LGI2: variants seen among roughly 807,000 people sequenced by gnomAD.
The protein encoded by LGI2 is leucine-rich repeat LGI family member 2.
Under a neutral mutation model 52.0 loss-of-function variants are expected in LGI2, and 30 were observed. The ratio of observed to expected loss-of-function variants is 0.58; its 90% confidence interval spans 0.43 to 0.78. LGI2 has a LOEUF of 0.78. LGI2 is among the 30% of genes least tolerant of loss of function. LGI2 has a pLI of 0.00. For missense variants in LGI2, 573 were observed against 692.5 expected (o/e 0.83, Z 1.94); for synonymous variants, 270 against 271.8 (o/e 0.99, Z 0.06).
intron 2 of LGI2, among the ~76,000 whole-genome samples, chr4:25,027,913 G>A (rs1164307613): frequency 6.6e-6 from 1 of 152,248 alleles, no homozygotes; most frequent in Non-Finnish European, 1.5e-5. Flanking sequence ...GAGATGGGAT[G>A]AGGAATAGTT....
At chr4:25,005,957 T>C (rs772512409) in intron 7 of LGI2, among the ~76,000 whole-genome samples, 1 of 152,214 alleles carries the variant, frequency 6.6e-6, no homozygotes, top group Non-Finnish European at 1.5e-5. Flanking sequence ...CAAGTGACTA[T>C]AAGGATGAAA....
chr4:25,030,399 G>C, intron 1 of LGI2, 98 bp downstream of exon 1: 1 of 1,332,214 alleles, frequency 7.5e-7, no homozygotes, highest in Non-Finnish European at 1.0e-6. Flanking sequence ...TGGGGAGTGG[G>C]TCAGGGTCGC....
Position 25,030,508 on chromosome 4 carries a change from G to A in LGI2, c.186C>T (p.Asp62=), listed in dbSNP as rs1330178880. 6.3e-7 allele frequency: 1 copy of A among 1,590,368 alleles called. No homozygotes were observed. The highest frequency in any genetic ancestry group is 8.5e-7 in the Non-Finnish European group (1 of 1,170,268). ...SSWVPRIVPG[D]ISSLSLVNGT... ...GGGGTCCCACTCACAGGGAGCTGATGTCGCCCGGCACGATCCTGGGCACCC... is the reference window on the plus strand; with the variant it reads ...GGGGTCCCACTCACAGGGAGCTGATATCGCCCGGCACGATCCTGGGCACCC... The change falls in exon 1 of 8, where the codon GAC becomes GAT. Residue 62 remains aspartate (D), a synonymous_variant. Transcript: ENST00000382114.
chr4:25,003,558 G>A lies in LGI2; in HGVS notation c.1531C>T (p.Arg511Cys), dbSNP rs758246901. The change falls in exon 8 of 8, where the codon CGT becomes TGT. Residue 511 changes from arginine to cysteine, a missense_variant. Arg to Cys is a radical substitution (Grantham distance 180, BLOSUM62 -3). Coordinates refer to ENST00000382114, the MANE Select transcript of LGI2 (RefSeq NM_018176.4). ...TCGGTGGAGACAGCTGTGAATGAAC[G>A]AGGCGCCTGCACGTAAATCTCCTTA... ...KFKEIYVQAPRSFTAVSTDRR... is the reference protein window; with the variant it reads ...KFKEIYVQAPCSFTAVSTDRR... The A allele has an allele frequency of 2.4e-5, 38 of 1,613,882 alleles. No homozygotes were observed. The highest frequency in any genetic ancestry group is 3.1e-5 in the Non-Finnish European group (36 of 1,179,942).
At chr4:25,009,943 T>C (rs750492325) in intron 7 of LGI2, among the ~76,000 whole-genome samples, 10 of 152,174 alleles carry the variant, frequency 6.6e-5, no homozygotes, top group Non-Finnish European at 1.3e-4. Flanking sequence ...CAGAGTTTTA[T>C]CTAGTTTATT....
At chr4:25,018,382 A>C (rs932420484) in intron 5 of LGI2, among the ~76,000 whole-genome samples, 6 of 152,244 alleles carry the variant, frequency 3.9e-5, no homozygotes, top group African/African-American at 1.4e-4. Context: ...GAATAACTGT[A>C]TAATGTCCAG....
intron 4 of LGI2, among the ~76,000 whole-genome samples, chr4:25,023,179 C>T (rs182103326): frequency 6.6e-6 from 1 of 152,212 alleles, no homozygotes; most frequent in East Asian, 1.9e-4. Flanking sequence ...TACAGCAATC[C>T]TATGAAATCA....
intron 7 of LGI2, among the ~76,000 whole-genome samples, chr4:25,008,713 A>T (rs10029741): frequency 8.5e-5 from 13 of 152,342 alleles, no homozygotes; most frequent in African/African-American, 3.1e-4. Flanking sequence ...CCAGCTAGTA[A>T]GGGCTGGAGC....
intron 7 of LGI2, among the ~76,000 whole-genome samples, chr4:25,007,578 AGTGT>A (rs3066687): frequency 0.11 from 15,687 of 142,044 alleles, 960 homozygotes; most frequent in South Asian, 0.16. Flanking sequence ...CAGACAGATC[AGTGT>A]GTGTGTGTGT....
At chr4:25,028,900 T>C (rs1197609404) in intron 1 of LGI2, among the ~76,000 whole-genome samples, 8 of 152,230 alleles carry the variant, frequency 5.3e-5, no homozygotes, top group Non-Finnish European at 1.2e-4. Flanking sequence ...TGAAAATGGA[T>C]AATCGCTTCA....
In LGI2 at chr4:25,003,924, G is replaced by A. The variant is rs1232492050; in HGVS notation, c.1165C>T (p.Leu389=). Residue 389 remains leucine (L), a synonymous_variant, in exon 8 of 8, where the codon CTG becomes TTG. Coordinates refer to ENST00000382114, the MANE Select transcript of LGI2 (RefSeq NM_018176.4). ...ATGGGGACCTGGGAGCGGCTGGACA[G>A]GATGAGATGCGATTTTCCATCGATA... is the stretch of plus-strand genomic sequence containing the variant. The part of the protein sequence containing the change: ...VDIDGKSHLI[L]SSRSQVPIIL... 3.1e-6 allele frequency: 5 copies of A among 1,614,060 alleles called. No individual in the cohort carries two copies. The highest frequency in any genetic ancestry group is 1.3e-5 in the African/African-American group (1 of 74,906).
intron 3 of LGI2, among the ~76,000 whole-genome samples, 173 bp downstream of exon 3, chr4:25,026,695 G>T (rs185666651): frequency 2.6e-5 from 4 of 152,294 alleles, no homozygotes; most frequent in East Asian, 1.9e-4. Flanking sequence ...TCCTTCCCCA[G>T]CATGTTTGTA....
intron 7 of LGI2, among the ~76,000 whole-genome samples, chr4:25,011,171 CAG>C (rs1725571825): frequency 6.6e-6 from 1 of 152,084 alleles, no homozygotes; most frequent in African/African-American, 2.4e-5. Context: ...GGAGAAAAGG[CAG>C]AGAGACCAGC....
chr4:25,029,096 T>C (rs1007180463), intron 1 of LGI2, among the ~76,000 whole-genome samples: 2 of 152,166 alleles, frequency 1.3e-5, no homozygotes, highest in African/African-American at 4.8e-5. Flanking sequence ...GGAGAGGCAG[T>C]ACCATCTGCC....
intron 5 of LGI2, among the ~76,000 whole-genome samples, chr4:25,018,795 G>C (rs1320602039): frequency 6.6e-6 from 1 of 151,992 alleles, no homozygotes; most frequent in African/African-American, 2.4e-5. Flanking sequence ...CCAGGACGCA[G>C]AGGTTGTAAT....
intron 2 of LGI2, among the ~76,000 whole-genome samples, chr4:25,027,953 A>G (rs1282255710): frequency 6.6e-6 from 1 of 152,222 alleles, no homozygotes; most frequent in Non-Finnish European, 1.5e-5. Context: ...CCTGGACTAG[A>G]ATCTGGCTCT....
intron 5 of LGI2, among the ~76,000 whole-genome samples, chr4:25,018,819 A>G (rs1725855471): frequency 6.6e-6 from 1 of 151,988 alleles, no homozygotes; most frequent in African/African-American, 2.4e-5. Context: ...TGGAGATCAT[A>G]CCATTTCACT....
chr4:25,004,005 A>G lies in LGI2; in HGVS notation c.1084T>C (p.Tyr362His). 1.2e-6 allele frequency: 2 copies of G among 1,614,244 alleles called. No homozygotes were observed. Among genetic ancestry groups the G allele is most frequent in the Non-Finnish European group, 1.7e-6 (2 of 1,180,034 alleles). The change falls in exon 8 of 8, where the codon TAT (tyrosine) becomes CAT (histidine). Residue 362 changes from tyrosine to histidine, a missense_variant. Physicochemically the swap from Tyr to His is moderately conservative, Grantham distance 83. Transcript: ENST00000382114. The surrounding 1 kb of genome is among the most constrained non-coding windows in gnomAD (Gnocchi z 4.6). ...TVYKWNSKGF[Y>H]SYQSLHEWFR... The stretch of plus-strand genomic sequence containing the variant: ...CACTCGTGCAGTGACTGGTAAGAAT[A>G]GAATCCTTTGCTGTTCCATTTATAA...
rs192374708 is a variant in LGI2 at position 25,027,897 on chromosome 4, A to G, written c.269+610T>C. ...CCACAGGGACTTGAGCATTGCTCAC[A>G]GAGAGGAGATGGGATGAGGAATAGT... On this transcript the variant is annotated intron_variant, in intron 2 of 7. Transcript: ENST00000382114. Among the ~76,000 whole-genome samples the G allele has an allele frequency of 1.6e-4, 24 of 152,342 alleles. 1 individual carries two copies. Among genetic ancestry groups the G allele is most frequent in the African/African-American group, 5.5e-4 (23 of 41,590 alleles).
Sources: allele counts gnomAD v4.1 joint callset (sites outside exome capture counted in the v4.1 genomes callset), GRCh38; gene constraint gnomAD v4.1.1; non-coding constraint Gnocchi (gnomAD v3.1); transcripts MANE v1.5; gene names NCBI Gene and HGNC (gene_info 2026-07-23, HGNC 2026-07-21).